Variants in RCAN2 observed in about 807,000 individuals in gnomAD.
The protein encoded by RCAN2 is calcipressin-2.
Under a neutral mutation model 23.6 loss-of-function variants are expected in RCAN2, and 9 were observed. The observed-to-expected ratio is 0.38, with a 90% CI of 0.23 to 0.67. RCAN2 has a LOEUF of 0.67. Ranked by LOEUF, RCAN2 falls within the 30% of genes least tolerant of loss-of-function variation. The pLI is 0.51. For missense variants in RCAN2, 273 were observed against 302.3 expected (o/e 0.90, Z 0.72); for synonymous variants, 109 against 115.7 (o/e 0.94, Z 0.37).
chr6:46,272,902 C>T (rs148720649), intron 2 of RCAN2, among the ~76,000 whole-genome samples: 227 of 152,248 alleles, frequency 1.5e-3, no homozygotes, highest in African/African-American at 5.3e-3. Flanking sequence ...AATGGAGGTT[C>T]CAAGATGTTA....
At chr6:46,233,371 AT>A (rs1040467085) in intron 4 of RCAN2, among the ~76,000 whole-genome samples, 2 of 151,916 alleles carry the variant, frequency 1.3e-5, no homozygotes, top group Admixed American at 6.6e-5. Context: ...TATGTATAGA[AT>A]TTTTTTTTAA....
intron 2 of RCAN2, among the ~76,000 whole-genome samples, chr6:46,410,029 C>T (rs1766504197): frequency 6.6e-6 from 1 of 152,066 alleles, no homozygotes; most frequent in Admixed American, 6.5e-5. Context: ...CTCTCTCTCT[C>T]CTGGAGCAGG....
At chr6:46,461,020 T>C (rs543603683) in intron 1 of RCAN2, among the ~76,000 whole-genome samples, 3 of 152,150 alleles carry the variant, frequency 2.0e-5, no homozygotes, top group South Asian at 2.1e-4. Flanking sequence ...CTGTGGAAAA[T>C]AGCAAAAATA....
chr6:46,390,019 CAA>C (rs34443128), intron 2 of RCAN2, among the ~76,000 whole-genome samples: 13,314 of 137,566 alleles, frequency 0.097, 1,213 homozygotes, highest in African/African-American at 0.25. Context: ...TATTCGAGAC[CAA>C]AAAAAAAAAA....
intron 4 of RCAN2, among the ~76,000 whole-genome samples, chr6:46,237,119 A>C (rs1195318254): frequency 2.0e-5 from 3 of 152,228 alleles, no homozygotes; most frequent in Non-Finnish European, 2.9e-5. Flanking sequence ...GACTCTACTG[A>C]AAGGGAGCCT....
intron 1 of RCAN2, among the ~76,000 whole-genome samples, chr6:46,480,324 G>T (rs1008812470): frequency 5.3e-5 from 8 of 152,218 alleles, no homozygotes; most frequent in African/African-American, 1.9e-4. Flanking sequence ...TTTAGCCAGT[G>T]CTTGGTGCTT....
chr6:46,451,390 G>C (rs1767879382), intron 2 of RCAN2, among the ~76,000 whole-genome samples: 1 of 152,088 alleles, frequency 6.6e-6, no homozygotes, highest in Non-Finnish European at 1.5e-5. Flanking sequence ...CTGACTAGTC[G>C]AACTACAAGT....
Position 46,479,046 on chromosome 6 carries a change from C to T in RCAN2, c.-3+12127G>A, listed in dbSNP as rs189815423. ...AGAGAACCTCAGCAATGGAGAGTTCCACCCAAGGTCAGACCTTTACTGTCC... is the reference window on the plus strand; with the variant it reads ...AGAGAACCTCAGCAATGGAGAGTTCTACCCAAGGTCAGACCTTTACTGTCC... On this transcript the variant is annotated intron_variant, in intron 1 of 4. Transcript: ENST00000371374. Among the ~76,000 whole-genome samples, 151 of 152,292 alleles carry T rather than the reference C, an allele frequency of 9.9e-4. 3 individuals are homozygous for T. Among genetic ancestry groups the T allele is most frequent in the Non-Finnish European group, 3.8e-4 (26 of 68,024 alleles).
intron 2 of RCAN2, among the ~76,000 whole-genome samples, chr6:46,297,060 C>T (rs143402565): frequency 5.1e-4 from 77 of 152,224 alleles, no homozygotes; most frequent in African/African-American, 1.6e-3. Context: ...TTCTGAACTC[C>T]GCTTCAGAGA....
chr6:46,354,770 T>G (rs1260862794), intron 2 of RCAN2, among the ~76,000 whole-genome samples: 2 of 152,242 alleles, frequency 1.3e-5, no homozygotes, highest in Non-Finnish European at 2.9e-5. Flanking sequence ...TGTTTTACAA[T>G]CTTCTCACAG....
chr6:46,325,788 A>G lies in RCAN2; in HGVS notation c.226-76892T>C, dbSNP rs1763778085. 33 of 1,101,774 alleles carry G rather than the reference A, an allele frequency of 3.0e-5. No homozygotes were observed. In the South Asian group the frequency reaches 1.0e-3, roughly 35 times the overall value. The allele number at this position is 1,101,774 out of a possible 1,614,324, so 68.2% of individuals were successfully genotyped here. A position where few individuals can be genotyped will look rare whatever the true frequency, so the allele number is the denominator to read the frequency against. ...GGCAGTGCAGTGGAGCAAATTGAAC[A>G]TGATTATGTGCTAAATCTGAACTCA... On this transcript the variant is annotated intron_variant, in intron 2 of 4. Coordinates refer to ENST00000371374, the MANE Select transcript of RCAN2 (RefSeq NM_001251974.2).
chr6:46,228,514 T>A (rs1765759796), intron 4 of RCAN2, among the ~76,000 whole-genome samples: 3 of 152,342 alleles, frequency 2.0e-5, no homozygotes, highest in Non-Finnish European at 4.4e-5. Context: ...AATTGATCCC[T>A]TTACCATTAT....
intron 2 of RCAN2, among the ~76,000 whole-genome samples, chr6:46,374,269 G>T (rs1765401981): frequency 6.6e-6 from 1 of 152,096 alleles, no homozygotes; most frequent in African/African-American, 2.4e-5. Context: ...ACTTTCTCCT[G>T]GCTTTTCATG....
intron 1 of RCAN2, among the ~76,000 whole-genome samples, chr6:46,457,278 T>C (rs966111880): frequency 2.0e-5 from 3 of 152,206 alleles, no homozygotes; most frequent in Admixed American, 1.3e-4. Context: ...CCAATGTCTA[T>C]CGTGTATTGA....
chr6:46,263,521 A>ATGTGTGTGTGTGTGTGTGTG (rs1166873309), intron 2 of RCAN2, among the ~76,000 whole-genome samples: 1 of 105,022 alleles, frequency 9.5e-6, no homozygotes, highest in Non-Finnish European at 1.7e-5. Context: ...GTATGTGTGT[A>ATGTGTGTGTGTGTGTGTGTG]TGTGTGTGTG....
At chr6:46,446,372 G>A (rs2150425834) in intron 2 of RCAN2, among the ~76,000 whole-genome samples, 1 of 152,146 alleles carries the variant, frequency 6.6e-6, no homozygotes, top group East Asian at 1.9e-4. Context: ...CTTTAGAAAT[G>A]GAGAGAAAAA....
At chr6:46,461,568 T>C (rs1191117571) in intron 1 of RCAN2, among the ~76,000 whole-genome samples, 2 of 148,786 alleles carry the variant, frequency 1.3e-5, no homozygotes, top group African/African-American at 4.9e-5. Context: ...TTCTGGGCTG[T>C]GGCTTTCTTT....
chr6:46,226,683 G>A (rs1765676341), intron 4 of RCAN2, among the ~76,000 whole-genome samples: 1 of 152,166 alleles, frequency 6.6e-6, no homozygotes, highest in Non-Finnish European at 1.5e-5. Flanking sequence ...AGGGGATTTT[G>A]GGCTGAGATG....
At chr6:46,420,489 T>C (rs541324122) in intron 2 of RCAN2, among the ~76,000 whole-genome samples, 49 of 152,086 alleles carry the variant, frequency 3.2e-4, no homozygotes, top group African/African-American at 1.0e-3. Flanking sequence ...ACTGGAAATA[T>C]TGGCAAAACT....
Sources: gnomAD v4.1 joint callset for allele counts (sites outside exome capture counted in the v4.1 genomes callset) on GRCh38, gnomAD v4.1.1 for gene constraint, MANE v1.5 for transcripts, NCBI Gene and HGNC (gene_info 2026-07-23, HGNC 2026-07-21) for gene names.